Variants in SSH2 observed in about 807,000 individuals in gnomAD.
SSH2 encodes protein phosphatase Slingshot homolog 2.
A neutral mutation model predicts 135.2 loss-of-function variants in SSH2; 37 were observed. That is an observed-to-expected ratio of 0.27 (90% confidence interval 0.21 to 0.36). SSH2 has a LOEUF of 0.36. SSH2 is among the 10% of genes least tolerant of loss of function. The pLI, the probability that SSH2 is intolerant of heterozygous loss-of-function variation, is 1.00. For missense variants in SSH2, 1,408 were observed against 1,765.3 expected (o/e 0.80, Z 3.63); for synonymous variants, 628 against 646.2 (o/e 0.97, Z 0.43).
At chr17:29,920,997 G>C (rs1454651547) in intron 1 of SSH2, among the ~76,000 whole-genome samples, 3 of 152,064 alleles carry the variant, frequency 2.0e-5, no homozygotes, top group Non-Finnish European at 4.4e-5. Flanking sequence ...CATGAAGAAA[G>C]CTGGGCAAAG....
chr17:29,768,007 A>G (rs550911575), intron 3 of SSH2, among the ~76,000 whole-genome samples: 19 of 152,286 alleles, frequency 1.2e-4, no homozygotes, highest in Admixed American at 1.1e-3. Flanking sequence ...CCTGGTAGAT[A>G]TTATCAAACT....
rs376236119 is a variant in SSH2 at position 29,665,775 on chromosome 17, T to C, written c.1032+1092A>G. On this transcript the variant is annotated intron_variant, in intron 11 of 15. Transcript: ENST00000540801. ...TAACACTTGAGAGAAAAATAGACTTTAGAAGCTTTCAAAATCTACCTGTCA... is the reference window on the plus strand; with the variant it reads ...TAACACTTGAGAGAAAAATAGACTTCAGAAGCTTTCAAAATCTACCTGTCA... Among the ~76,000 whole-genome samples the C allele has an allele frequency of 2.6e-5, 4 of 152,224 alleles. No individual in the cohort carries two copies. The South Asian group carries it at 8.3e-4, about 32-fold the overall frequency.
rs187646033 is a variant in SSH2, at chr17:29,795,703, T to C, written c.145-1766A>G. ...AAGAGTGCTTCAGTACTGTTATTAT[T>C]AATAGATCTCAAATTATAATGCAGT... On this transcript the variant is annotated intron_variant, in intron 2 of 15. Coordinates refer to ENST00000540801, the MANE Select transcript of SSH2 (RefSeq NM_001282129.2). 2.0e-3 allele frequency among the ~76,000 whole-genome samples: 305 copies of C among 152,334 alleles called. 1 individual carries two copies. Among genetic ancestry groups the C allele is most frequent in the African/African-American group, 7.1e-3 (295 of 41,578 alleles).
intron 2 of SSH2, among the ~76,000 whole-genome samples, chr17:29,844,151 C>A (rs566604375): frequency 5.5e-4 from 83 of 152,064 alleles, no homozygotes; most frequent in Non-Finnish European, 1.0e-3. Flanking sequence ...TCTGATTGCA[C>A]AGAATATAAT....
intron 14 of SSH2, among the ~76,000 whole-genome samples, chr17:29,638,999 G>A (rs2036035475): frequency 6.6e-6 from 1 of 152,198 alleles, no homozygotes; most frequent in Non-Finnish European, 1.5e-5. Context: ...ATGAAGAACT[G>A]ATGGTAAGCA....
intron 11 of SSH2, among the ~76,000 whole-genome samples, chr17:29,658,867 CAAAAAA>C (rs541052752): frequency 3.0e-5 from 1 of 33,410 alleles, no homozygotes; most frequent in Non-Finnish European, 6.5e-5. Context: ...AACTCCGTCT[CAAAAAA>C]AAAAAAAAAA....
chr17:29,889,400 T>G (rs2066304110), intron 1 of SSH2, among the ~76,000 whole-genome samples: 1 of 152,018 alleles, frequency 6.6e-6, no homozygotes, highest in Admixed American at 6.6e-5. Flanking sequence ...GAGCTGATAT[T>G]GCGCCACTGC....
At chr17:29,899,205 T>C (rs1225314839) in intron 1 of SSH2, among the ~76,000 whole-genome samples, 3 of 151,566 alleles carry the variant, frequency 2.0e-5, no homozygotes, top group Non-Finnish European at 4.4e-5. Flanking sequence ...AGCATTCCCT[T>C]TGAAAACTGG....
chr17:29,827,905 G>A (rs1022919825), intron 2 of SSH2, among the ~76,000 whole-genome samples: 17 of 152,112 alleles, frequency 1.1e-4, no homozygotes, highest in African/African-American at 4.1e-4. Context: ...TTTTAAAGAG[G>A]ATAATTACAT....
chr17:29,879,517 C>T (rs1211097789), intron 1 of SSH2, among the ~76,000 whole-genome samples: 2 of 152,026 alleles, frequency 1.3e-5, no homozygotes, highest in Admixed American at 6.6e-5. Context: ...CATCTCCGAC[C>T]AAAGTGGTAC....
chr17:29,929,808 T>C, intron 1 of SSH2, 130 bp downstream of exon 1: 1 of 812,506 alleles, frequency 1.2e-6, no homozygotes, highest in Non-Finnish European at 2.0e-6. Context: ...GTGGGGGGGT[T>C]CGCGGCAGCC....
intron 3 of SSH2, among the ~76,000 whole-genome samples, chr17:29,744,860 A>AGTGTGTGT (rs71689248): frequency 0.018 from 2,459 of 140,512 alleles, 21 homozygotes; most frequent in African/African-American, 0.025. Context: ...GGATTACTTG[A>AGTGTGTGT]GTGTGTGTGT....
chr17:29,680,686 G>A (rs2037940992), intron 6 of SSH2, among the ~76,000 whole-genome samples: 1 of 151,630 alleles, frequency 6.6e-6, no homozygotes, highest in African/African-American at 2.4e-5. Context: ...CAGAGTCCAG[G>A]AGCAAGACAG....
At chr17:29,699,120 T>C (rs1214117750) in intron 4 of SSH2, among the ~76,000 whole-genome samples, 1 of 152,210 alleles carries the variant, frequency 6.6e-6, no homozygotes, top group African/African-American at 2.4e-5. Context: ...AATATATTGA[T>C]ATAGCATTAA....
intron 3 of SSH2, among the ~76,000 whole-genome samples, chr17:29,750,044 T>C (rs988841974): frequency 6.6e-6 from 1 of 152,112 alleles, no homozygotes; most frequent in Non-Finnish European, 1.5e-5. Context: ...AATGTTCTCT[T>C]TTTTCAACAA....
At chr17:29,651,676 CAT>C (rs1294693920) in intron 12 of SSH2, among the ~76,000 whole-genome samples, 1 of 151,968 alleles carries the variant, frequency 6.6e-6, no homozygotes, top group Non-Finnish European at 1.5e-5. Flanking sequence ...TGTGAAGTTC[CAT>C]AAACCCAAAC....
intron 2 of SSH2, among the ~76,000 whole-genome samples, chr17:29,824,910 TG>T (rs1282782122): frequency 1.3e-5 from 2 of 152,196 alleles, no homozygotes; most frequent in African/African-American, 4.8e-5. Context: ...TCCATTAGGG[TG>T]GCTTAGCTGA....
intron 3 of SSH2, among the ~76,000 whole-genome samples, chr17:29,792,603 T>G (rs2042088275): frequency 6.6e-6 from 1 of 152,196 alleles, no homozygotes; most frequent in Non-Finnish European, 1.5e-5. Flanking sequence ...ATTTTTATAT[T>G]AAGTTGTAGT....
intron 8 of SSH2, among the ~76,000 whole-genome samples, chr17:29,673,367 C>T (rs1250937613): frequency 3.3e-5 from 5 of 151,816 alleles, no homozygotes; most frequent in East Asian, 3.9e-4. Context: ...GTCAGGAGAT[C>T]GAGATCAGCC....
Sources: allele counts gnomAD v4.1 joint callset (sites outside exome capture counted in the v4.1 genomes callset), GRCh38; gene constraint gnomAD v4.1.1; transcripts MANE v1.5; gene names NCBI Gene and HGNC (gene_info 2026-07-23, HGNC 2026-07-21).